GRID1: variants seen among roughly 807,000 people sequenced by gnomAD.
GRID1 encodes glutamate receptor ionotropic, delta-1.
Under a neutral mutation model 98.0 loss-of-function variants are expected in GRID1, and 28 were observed. The ratio of observed to expected loss-of-function variants is 0.29; its 90% CI spans 0.21 to 0.39. The LOEUF (loss-of-function observed/expected upper bound fraction) is 0.39. GRID1 is among the 10% of genes least tolerant of loss of function. GRID1 has a pLI of 1.00. For missense variants in GRID1, 1,111 were observed against 1,340.5 expected (o/e 0.83, Z 2.67); for synonymous variants, 553 against 538.5 (o/e 1.03, Z -0.37).
intron 4 of GRID1, among the ~76,000 whole-genome samples, chr10:85,960,937 C>A (rs1050606414): frequency 6.6e-6 from 1 of 151,944 alleles, no homozygotes; most frequent in African/African-American, 2.4e-5. Context: ...CTGCTATTAA[C>A]CCTGGCCTTC....
chr10:86,213,561 C>A (rs936685386), intron 2 of GRID1, among the ~76,000 whole-genome samples: 1 of 152,132 alleles, frequency 6.6e-6, no homozygotes, highest in African/African-American at 2.4e-5. Context: ...TGCTCCTGAG[C>A]TCCGAAGCCT....
At chr10:85,804,285 G>GA (rs1014747774) in intron 8 of GRID1, among the ~76,000 whole-genome samples, 2 of 150,040 alleles carry the variant, frequency 1.3e-5, no homozygotes, top group Non-Finnish European at 1.5e-5. Context: ...AAAATAAAGT[G>GA]AAAAAAAAAG....
chr10:86,042,451 A>T (rs1843360370), intron 4 of GRID1, among the ~76,000 whole-genome samples: 1 of 152,166 alleles, frequency 6.6e-6, no homozygotes, highest in Admixed American at 6.5e-5. Context: ...ACCAGGAGAG[A>T]TAAAGCCCTA....
At chr10:85,654,514 C>T (rs1229493978) in intron 12 of GRID1, among the ~76,000 whole-genome samples, 1 of 152,138 alleles carries the variant, frequency 6.6e-6, no homozygotes, top group African/African-American at 2.4e-5. Flanking sequence ...CAGTTCTGGG[C>T]CTTGGGAACT....
chr10:85,881,720 G>T (rs1394862953), intron 5 of GRID1, among the ~76,000 whole-genome samples: 1 of 151,964 alleles, frequency 6.6e-6, no homozygotes, highest in East Asian at 1.9e-4. Flanking sequence ...ATGGGCAAGT[G>T]CTTCATGTCT....
intron 2 of GRID1, among the ~76,000 whole-genome samples, chr10:86,263,499 C>A (rs1382414878): frequency 6.6e-6 from 1 of 152,204 alleles, no homozygotes; most frequent in African/African-American, 2.4e-5. Flanking sequence ...GGCCTTTCAC[C>A]TGCAGAACAA....
Position 85,912,303 on chromosome 10 carries a change from C to T in GRID1, c.780+3883G>A, listed in dbSNP as rs1372414842. On this transcript the variant is annotated intron_variant, in intron 5 of 15. Coordinates refer to ENST00000327946, the MANE Select transcript of GRID1 (RefSeq NM_017551.3). The stretch of plus-strand genomic sequence containing the variant: ...TAAATACTTCTAGCAGATATAAAAA[C>T]ACATCCGCTCTCCAGTGTCCCCACA... Among the ~76,000 whole-genome samples, 5 of 152,316 alleles carry T rather than the reference C, an allele frequency of 3.3e-5. No homozygotes were observed. The East Asian group carries it at 9.6e-4, about 29-fold the overall frequency.
intron 12 of GRID1, among the ~76,000 whole-genome samples, chr10:85,651,822 G>A (rs12569564): frequency 0.019 from 2,861 of 152,266 alleles, 65 homozygotes; most frequent in African/African-American, 0.058. Flanking sequence ...TCTGTTTGCT[G>A]CCTATCTTCT....
intron 2 of GRID1, among the ~76,000 whole-genome samples, chr10:86,285,522 AC>A (rs1383203678): frequency 2.6e-5 from 4 of 152,236 alleles, no homozygotes; most frequent in Non-Finnish European, 4.4e-5. Context: ...GACTGGGTCA[AC>A]AACACAGGAA....
intron 12 of GRID1, among the ~76,000 whole-genome samples, chr10:85,711,545 T>C (rs1000197267): frequency 6.6e-6 from 1 of 151,892 alleles, no homozygotes; most frequent in African/African-American, 2.4e-5. Context: ...TGGAGATAGA[T>C]GGTAATGTTG....
At chr10:86,009,139 C>G (rs767141402) in intron 4 of GRID1, among the ~76,000 whole-genome samples, 3 of 151,482 alleles carry the variant, frequency 2.0e-5, no homozygotes, top group African/African-American at 4.9e-5. Flanking sequence ...AACTTATAAC[C>G]GAAAAAAAAA....
intron 4 of GRID1, among the ~76,000 whole-genome samples, chr10:86,082,519 A>C (rs1187203361): frequency 6.6e-6 from 1 of 152,120 alleles, no homozygotes; most frequent in African/African-American, 2.4e-5. Context: ...CCATTGCAAT[A>C]ACTTCTAACT....
intron 4 of GRID1, among the ~76,000 whole-genome samples, chr10:85,968,808 A>G (rs1405004491): frequency 6.6e-6 from 1 of 152,228 alleles, no homozygotes; most frequent in Admixed American, 6.5e-5. Context: ...AGACATGTAG[A>G]AAACAAACAA....
intron 4 of GRID1, among the ~76,000 whole-genome samples, chr10:86,057,503 G>A (rs916343545): frequency 3.9e-5 from 6 of 152,116 alleles, no homozygotes; most frequent in African/African-American, 7.2e-5. Flanking sequence ...AACCTTTGAC[G>A]ACACCCTGCA....
At chr10:85,989,926 A>G (rs1757617689) in intron 4 of GRID1, among the ~76,000 whole-genome samples, 1 of 152,294 alleles carries the variant, frequency 6.6e-6, no homozygotes, top group African/African-American at 2.4e-5. Context: ...AGTGCCTTAT[A>G]AAAAGAAGCC....
intron 4 of GRID1, among the ~76,000 whole-genome samples, chr10:85,932,988 G>A (rs1237422939): frequency 6.6e-6 from 1 of 152,210 alleles, no homozygotes; most frequent in East Asian, 1.9e-4. Flanking sequence ...AAAAAAACAT[G>A]TGTTAGAAAC....
chr10:85,797,659 C>G (rs1235246414), intron 8 of GRID1, among the ~76,000 whole-genome samples: 1 of 145,478 alleles, frequency 6.9e-6, no homozygotes, highest in Non-Finnish European at 1.5e-5. Flanking sequence ...CCATGTTGGT[C>G]AGGCTGGTCT....
intron 4 of GRID1, among the ~76,000 whole-genome samples, chr10:86,006,031 A>T (rs1175320129): frequency 6.6e-6 from 1 of 152,212 alleles, no homozygotes; most frequent in African/African-American, 2.4e-5. Context: ...TAGCCAGTAC[A>T]CTTCTGAGAA....
At chr10:86,299,985 A>T (rs906161730) in intron 2 of GRID1, among the ~76,000 whole-genome samples, 3 of 152,192 alleles carry the variant, frequency 2.0e-5, no homozygotes, top group Non-Finnish European at 2.9e-5. Context: ...CAACCTCAGA[A>T]TATGACCTTA....
Sources: allele counts gnomAD v4.1 joint callset (sites outside exome capture counted in the v4.1 genomes callset), GRCh38; gene constraint gnomAD v4.1.1; transcripts MANE v1.5; gene names NCBI Gene and HGNC (gene_info 2026-07-23, HGNC 2026-07-21).